SCAMP5: variants seen among roughly 807,000 people sequenced by gnomAD.
SCAMP5 encodes secretory carrier-associated membrane protein 5.
A neutral mutation model predicts 28.3 loss-of-function variants in SCAMP5; 7 were observed. That is an observed-to-expected ratio of 0.25 (90% CI 0.14 to 0.46). The LOEUF (loss-of-function observed/expected upper bound fraction) is 0.46, where lower values mean the gene tolerates loss of function less well. Ranked by LOEUF, SCAMP5 falls within the 20% of genes least tolerant of loss-of-function variation. The probability of loss-of-function intolerance (pLI) is 0.99; values close to 1 mark genes in which losing one functional copy is unlikely to be tolerated. For synonymous variants in SCAMP5, 117 were observed against 116.4 expected (o/e 1.00, Z -0.03); for missense variants, 192 against 312.5 (o/e 0.61, Z 2.91).
intron 3 of SCAMP5, among the ~76,000 whole-genome samples, chr15:75,013,881 A>G (rs1324226719): frequency 6.6e-6 from 1 of 151,974 alleles, no homozygotes; most frequent in African/African-American, 2.4e-5. Context: ...CTTAGCATCA[A>G]TGTTCTAAGG....
At chr15:75,004,903 G>A (rs1048018299) in intron 1 of SCAMP5, among the ~76,000 whole-genome samples, 21 of 150,952 alleles carry the variant, frequency 1.4e-4, no homozygotes, top group East Asian at 6.0e-4. Flanking sequence ...CTGGTTGGGC[G>A]CGGTGGCTCA....
Position 75,012,783 on chromosome 15 carries a change from G to T in SCAMP5, c.114G>T (p.Lys38Asn). 1.2e-6 allele frequency: 2 copies of T among 1,614,038 alleles called. No homozygotes were observed. Among genetic ancestry groups the T allele is most frequent in the Non-Finnish European group, 1.7e-6 (2 of 1,179,882 alleles). ...DIPPQHVSMT[K>N]RLYYLWMLNS... ...CTCCCCAGCATGTCAGCATGACCAA[G>T]CGCCTCTACTACCTCTGGATGTGTG... Residue 38 changes from lysine to asparagine, a missense_variant, in exon 3 of 7, where the codon AAG becomes AAT. Physicochemically the swap from Lys to Asn is moderately conservative, Grantham distance 94. Coordinates refer to ENST00000425597, the MANE Select transcript of SCAMP5 (RefSeq NM_138967.4).
chr15:75,017,979 G>T lies in SCAMP5; in HGVS notation c.395+8G>T, dbSNP rs922231103. The T allele has an allele frequency of 3.2e-6, 5 of 1,586,038 alleles. No homozygotes were observed. The Admixed American group carries it at 8.3e-5, about 26-fold the overall frequency. On this transcript the variant is annotated splice_region_variant and intron_variant, in intron 5 of 6. Coordinates refer to ENST00000425597, the MANE Select transcript of SCAMP5 (RefSeq NM_138967.4). ...CCCAGGCTGGGGCGTCTGGTAAGAG[G>T]CAGGGGTGTGGCCTGGGGCTGGCAG...
In SCAMP5 at chr15:75,007,328, A is replaced by G. The variant is rs532700273; in HGVS notation, c.-48-4464A>G. Among the ~76,000 whole-genome samples the G allele has an allele frequency of 5.3e-5, 8 of 152,308 alleles. No homozygotes were observed. In the South Asian group the frequency reaches 1.0e-3, roughly 20 times the overall value. ...CTGTAGTATACGGGCAAAGCTTTAG[A>G]GTCGTCACAGCAGTACCAGCAGTAA... is the stretch of plus-strand genomic sequence containing the variant. On this transcript the variant is annotated intron_variant, in intron 1 of 6. Transcript: ENST00000425597.
At chr15:75,001,494 G>C (rs773421419) in intron 1 of SCAMP5, among the ~76,000 whole-genome samples, 38 of 151,522 alleles carry the variant, frequency 2.5e-4, no homozygotes, top group African/African-American at 9.0e-4. Flanking sequence ...GAGAAAATTG[G>C]GCTAGGTGCA....
rs554997375 is a variant in SCAMP5, at chr15:75,021,179, T to C, written c.*2196T>C. ...ACCCTTGGGAAGCCTGATCCCGGTG[T>C]GTGGCCCAGCTTGTTCAGGCCCTGG... is the stretch of plus-strand genomic sequence containing the variant. On this transcript the variant is annotated 3_prime_UTR_variant, in exon 7 of 7. Transcript: ENST00000425597. The C allele has an allele frequency of 1.3e-5, 2 of 152,422 alleles. No homozygotes were observed. The highest frequency in any genetic ancestry group is 3.9e-4 in the East Asian group (2 of 5,176). The allele number at this position is 152,422 out of a possible 1,614,324, so 9.4% of individuals were successfully genotyped here.
chr15:74,998,586 A>G (rs1223209347), intron 1 of SCAMP5, among the ~76,000 whole-genome samples: 1 of 151,370 alleles, frequency 6.6e-6, no homozygotes, highest in Non-Finnish European at 1.5e-5. Context: ...AGCCTGGGCA[A>G]CAGAGTGAAA....
intron 3 of SCAMP5, among the ~76,000 whole-genome samples, chr15:75,015,571 T>C (rs1187771521): frequency 6.6e-6 from 1 of 151,636 alleles, no homozygotes; most frequent in Non-Finnish European, 1.5e-5. Flanking sequence ...GGATGGGAGA[T>C]GATGAGGTTG....
chr15:74,999,884 A>C (rs1168588235), intron 1 of SCAMP5, among the ~76,000 whole-genome samples: 1 of 152,194 alleles, frequency 6.6e-6, no homozygotes, highest in Non-Finnish European at 1.5e-5. Flanking sequence ...GATATTGTTG[A>C]CCCAGTCGAC....
chr15:75,015,945 A>G (rs1313241656), intron 3 of SCAMP5, among the ~76,000 whole-genome samples: 2 of 151,648 alleles, frequency 1.3e-5, no homozygotes, highest in Non-Finnish European at 1.5e-5. Flanking sequence ...AAAAAAAAAA[A>G]AGAAATAGAT....
chr15:75,003,705 G>T (rs1175098734), intron 1 of SCAMP5, among the ~76,000 whole-genome samples: 1 of 152,092 alleles, frequency 6.6e-6, no homozygotes, highest in African/African-American at 2.4e-5. Context: ...AGCTACTTGG[G>T]AAGCTGAGGT....
Position 75,020,335 on chromosome 15 carries a change from T to A in SCAMP5, c.*1352T>A, listed in dbSNP as rs1002130685. The A allele has an allele frequency of 1.3e-5, 2 of 152,734 alleles. No individual in the cohort carries two copies. Among genetic ancestry groups the A allele is most frequent in the Admixed American group, 1.3e-4 (2 of 15,262 alleles). 9.5% of individuals were successfully genotyped at this position (152,734 alleles called of 1,614,324 possible). ...TGCCTTCCCCCACCCTGGCTTGCTC[T>A]TGGTCACAGGGCGGTTCTGGGCACT... On this transcript the variant is annotated 3_prime_UTR_variant, in exon 7 of 7. Transcript: ENST00000425597.
At chr15:75,006,191 G>T (rs2065757427) in intron 1 of SCAMP5, among the ~76,000 whole-genome samples, 1 of 150,870 alleles carries the variant, frequency 6.6e-6, no homozygotes, top group African/African-American at 2.4e-5. Context: ...TATAGACAGG[G>T]TTTCACTGTG....
In SCAMP5 at chr15:74,996,750, G is replaced by A. The variant is rs2065657925; in HGVS notation, c.-49+1077G>A. Reference sequence around the variant, plus strand: ...CCTCACGGAGCAGGGCTCTGAAAGAGGGAGATGGTTCTTGCAGGGGCATGA... The same window carrying A: ...CCTCACGGAGCAGGGCTCTGAAAGAAGGAGATGGTTCTTGCAGGGGCATGA... On this transcript the variant is annotated intron_variant, in intron 1 of 6. Coordinates refer to ENST00000425597, the MANE Select transcript of SCAMP5 (RefSeq NM_138967.4). This position sits in a 1 kb window ranked among gnomAD's most constrained non-coding sequence, Gnocchi z 4.1. Among the ~76,000 whole-genome samples, 1 of 152,212 alleles carries A rather than the reference G, an allele frequency of 6.6e-6. No homozygotes were observed. Among genetic ancestry groups the A allele is most frequent in the Non-Finnish European group, 1.5e-5 (1 of 68,038 alleles).
At chr15:74,999,343 T>C (rs985325471) in intron 1 of SCAMP5, among the ~76,000 whole-genome samples, 2 of 152,166 alleles carry the variant, frequency 1.3e-5, no homozygotes, top group African/African-American at 4.8e-5. Context: ...AGGAAGGGTC[T>C]CCAGTCTCAG....
rs1166945574 is a variant in SCAMP5 at position 75,012,768 on chromosome 15, T to C, written c.99T>C (p.His33=). The part of the protein sequence containing the change: ...QDFEADIPPQ[H]VSMTKRLYYL... ...TCGAGGCAGATATTCCTCCCCAGCATGTCAGCATGACCAAGCGCCTCTACT... is the reference window on the plus strand; with the variant it reads ...TCGAGGCAGATATTCCTCCCCAGCACGTCAGCATGACCAAGCGCCTCTACT... The change falls in exon 3 of 7, where the codon CAT becomes CAC. Residue 33 remains histidine (H), a synonymous_variant. Transcript: ENST00000425597. 2 of 1,613,924 alleles carry C rather than the reference T, an allele frequency of 1.2e-6. No individual in the cohort carries two copies. Among genetic ancestry groups the C allele is most frequent in the Non-Finnish European group, 1.7e-6 (2 of 1,179,892 alleles).
chr15:75,006,569 C>T (rs373524597), intron 1 of SCAMP5, among the ~76,000 whole-genome samples: 9 of 151,954 alleles, frequency 5.9e-5, no homozygotes, highest in Admixed American at 1.3e-4. Flanking sequence ...AGGTGGATCA[C>T]GAGGTCAAGA....
rs186084131 is a variant in SCAMP5 at position 75,000,820 on chromosome 15, T to G, written c.-49+5147T>G. Among the ~76,000 whole-genome samples, 5 of 151,896 alleles carry G rather than the reference T, an allele frequency of 3.3e-5. No homozygotes were observed. The East Asian group carries it at 9.7e-4, about 30-fold the overall frequency. ...AGCCCCATTTACCTTTCAACTCCAT[T>G]TTGCCTTTCCTTTGCTCCCTTCACT... On this transcript the variant is annotated intron_variant, in intron 1 of 6. Coordinates refer to ENST00000425597, the MANE Select transcript of SCAMP5 (RefSeq NM_138967.4).
At chr15:75,006,277 G>A (rs908895463) in intron 1 of SCAMP5, among the ~76,000 whole-genome samples, 4 of 151,834 alleles carry the variant, frequency 2.6e-5, no homozygotes, top group African/African-American at 9.7e-5. Flanking sequence ...GATTACAGAT[G>A]TGAGCCACTG....
Sources: gnomAD v4.1 joint callset for allele counts (sites outside exome capture counted in the v4.1 genomes callset) on GRCh38, gnomAD v4.1.1 for gene constraint, Gnocchi (gnomAD v3.1) non-coding constraint, MANE v1.5 for transcripts, NCBI Gene and HGNC (gene_info 2026-07-23, HGNC 2026-07-21) for gene names.